Variants in GREB1 observed in about 807,000 individuals in gnomAD.
The protein encoded by GREB1 is protein GREB1.
A neutral mutation model predicts 200.7 loss-of-function variants in GREB1; 106 were observed. That is an observed-to-expected ratio of 0.53 (90% confidence interval 0.45 to 0.62). The LOEUF (loss-of-function observed/expected upper bound fraction) is 0.62, where lower values mean the gene tolerates loss of function less well. GREB1 is among the 20% of genes least tolerant of loss of function. The probability of loss-of-function intolerance (pLI) is 0.00; values close to 1 mark genes in which losing one functional copy is unlikely to be tolerated. For missense variants in GREB1, 2,243 were observed against 2,556.8 expected (o/e 0.88, Z 2.65); for synonymous variants, 1,132 against 1,092.4 (o/e 1.04, Z -0.72).
chr2:11,501,456 C>T (rs1572555829), intron 1 of GREB1, among the ~76,000 whole-genome samples: 4 of 152,204 alleles, frequency 2.6e-5, no homozygotes, highest in East Asian at 1.9e-4. Context: ...TGCAGTGGTG[C>T]GATCTTGGCT....
chr2:11,567,488 C>T (rs375894564), intron 4 of GREB1, among the ~76,000 whole-genome samples: 1 of 152,108 alleles, frequency 6.6e-6, no homozygotes, highest in South Asian at 2.1e-4. Context: ...TGCTCAAGGC[C>T]GCGTGAGTAA....
At chr2:11,530,100 T>C (rs1674016248), upstream of GREB1, among the ~76,000 whole-genome samples, 1 of 152,098 alleles carries the variant, frequency 6.6e-6, no homozygotes, top group African/African-American at 2.4e-5. Flanking sequence ...CTCTGTTGTC[T>C]AGGCTGGATG....
At position 11,597,660 on chromosome 2, in the gene GREB1, C is replaced by T. The variant is rs1681391746; in HGVS notation, c.1955-121C>T. The T allele has an allele frequency of 2.4e-6, 2 of 823,280 alleles. No individual in the cohort carries two copies. Among genetic ancestry groups the T allele is most frequent in the Admixed American group, 1.9e-5 (1 of 53,430 alleles). 51.0% of individuals were successfully genotyped at this position (823,280 alleles called of 1,614,324 possible). A position where few individuals can be genotyped will look rare whatever the true frequency, so the allele number is the denominator to read the frequency against. ...GATAAACGTGAGTTATTCCCCTTTC[C>T]CTCATCGCTTTGTGAATGGGGCCGT... On this transcript the variant is annotated intron_variant, in intron 13 of 32. Transcript: ENST00000381486. This position sits in a 1 kb window ranked among gnomAD's most constrained non-coding sequence, Gnocchi z 4.1.
At chr2:11,540,154 GGA>G (rs1674621222) in intron 1 of GREB1, 1 of 152,346 alleles carries the variant, frequency 6.6e-6, no homozygotes, top group African/African-American at 2.4e-5. Flanking sequence ...TTTGGGGGTT[GGA>G]GAGGTTTGTG....
At chr2:11,483,720 G>A (rs977907480) in intron 1 of GREB1, among the ~76,000 whole-genome samples, 2 of 148,150 alleles carry the variant, frequency 1.3e-5, no homozygotes, top group South Asian at 2.1e-4. Flanking sequence ...GTGTGTGTGT[G>A]TGTGTGTGTG....
chr2:11,497,971 C>CTTTTTT (rs70955803), intron 1 of GREB1, among the ~76,000 whole-genome samples: 5 of 40,626 alleles, frequency 1.2e-4, no homozygotes, highest in Admixed American at 4.1e-4. Context: ...CAGAGCAAAA[C>CTTTTTT]TTTTTTTTTT....
At position 11,580,582 on chromosome 2, in the gene GREB1, T is replaced by C; in HGVS notation, c.773-122T>C. On this transcript the variant is annotated intron_variant, in intron 6 of 32. Transcript: ENST00000381486. The surrounding 1 kb of genome is among the most constrained non-coding windows in gnomAD (Gnocchi z 4.5). Reference sequence around the variant, plus strand: ...ATCACTGTTGGGCATTCTGACCTCCTGATGAGACTTGCTGGGGAAAAGCTA... The same window carrying C: ...ATCACTGTTGGGCATTCTGACCTCCCGATGAGACTTGCTGGGGAAAAGCTA... 1 of 1,148,368 alleles carries C rather than the reference T, an allele frequency of 8.7e-7. No individual in the cohort carries two copies. Among genetic ancestry groups the C allele is most frequent in the Admixed American group, 2.2e-5 (1 of 46,222 alleles). The allele number at this position is 1,148,368 out of a possible 1,614,324, so 71.1% of individuals were successfully genotyped here.
chr2:11,523,276 G>T (rs554440761), intron 1 of GREB1, among the ~76,000 whole-genome samples: 1 of 151,906 alleles, frequency 6.6e-6, no homozygotes, highest in Non-Finnish European at 1.5e-5. Flanking sequence ...ATAACTATTG[G>T]GTACTAGACT....
Position 11,638,707 on chromosome 2 carries a change from T to G in GREB1, c.5584T>G (p.Leu1862Val), listed in dbSNP as rs1206335443. The change falls in exon 32 of 33, where the codon TTA (leucine) becomes GTA (valine). Residue 1862 changes from leucine to valine, a missense_variant. Leu to Val is a conservative substitution (Grantham distance 32, BLOSUM62 1). Transcript: ENST00000381486. ...CTATGTGAGCTCCAGGCCCCACTCT[T>G]TAAACATCAGCTGCTCGGACTTGCT... ...VCYVSSRPHS[L>V]NISCSDLLFS... 1.2e-6 allele frequency: 2 copies of G among 1,614,156 alleles called. No individual in the cohort carries two copies. The highest frequency in any genetic ancestry group is 8.5e-7 in the Non-Finnish European group (1 of 1,179,984).
At chr2:11,499,955 G>A (rs1049742137) in intron 1 of GREB1, among the ~76,000 whole-genome samples, 6 of 151,366 alleles carry the variant, frequency 4.0e-5, no homozygotes, top group African/African-American at 9.7e-5. Context: ...AATTGAAATG[G>A]TATTGTTGCC....
chr2:11,582,717 G>A lies in GREB1; in HGVS notation c.901+1885G>A, dbSNP rs148154755. Among the ~76,000 whole-genome samples the A allele has an allele frequency of 3.6e-3, 556 of 152,366 alleles. 3 individuals are homozygous for A. Among genetic ancestry groups the A allele is most frequent in the South Asian group, 7.5e-3 (36 of 4,832 alleles). On this transcript the variant is annotated intron_variant, in intron 7 of 32. Coordinates refer to ENST00000381486, the MANE Select transcript of GREB1 (RefSeq NM_014668.4). ...GGGGAGCTCCGCCAGAGGGCATGAC[G>A]CTGGCTGGGTTGAGTTGCGTTGAGC... is the stretch of plus-strand genomic sequence containing the variant.
At position 11,597,991 on chromosome 2, in the gene GREB1, T is replaced by C. The variant is rs761911603; in HGVS notation, c.2152+13T>C. 1.2e-6 allele frequency: 2 copies of C among 1,603,658 alleles called. No individual in the cohort carries two copies. Among genetic ancestry groups the C allele is most frequent in the Admixed American group, 1.7e-5 (1 of 60,022 alleles). Reference sequence around the variant, plus strand: ...GTGTGGCATTCAGGTATGGGGCATTTTGGGGAGAAGTCACGTGTGGAGAAG... The same window carrying C: ...GTGTGGCATTCAGGTATGGGGCATTCTGGGGAGAAGTCACGTGTGGAGAAG... On this transcript the variant is annotated intron_variant, in intron 14 of 32. Coordinates refer to ENST00000381486, the MANE Select transcript of GREB1 (RefSeq NM_014668.4). This position sits in a 1 kb window ranked among gnomAD's most constrained non-coding sequence, Gnocchi z 4.1.
At chr2:11,553,107 G>A (rs938635180) in intron 1 of GREB1, among the ~76,000 whole-genome samples, 14 of 151,834 alleles carry the variant, frequency 9.2e-5, no homozygotes, top group Admixed American at 5.9e-4. Flanking sequence ...TGTCAAATGC[G>A]TCATTTGGGA....
chr2:11,600,754 G>T, intron 15 of GREB1, 46 bp from the exon 16 acceptor site: 1 of 1,518,300 alleles, frequency 6.6e-7, no homozygotes, highest in Non-Finnish European at 9.1e-7. Context: ...TGCAAAATTA[G>T]AAAACAATAT....
intron 25 of GREB1, among the ~76,000 whole-genome samples, 200 bp downstream of exon 25, chr2:11,627,304 G>C (rs539524285): frequency 1.3e-5 from 2 of 152,236 alleles, no homozygotes; most frequent in Non-Finnish European, 2.9e-5. Flanking sequence ...TCCTGGGGTT[G>C]TGTGTTTATC....
At chr2:11,621,369 G>A (rs1158339205) in intron 23 of GREB1, among the ~76,000 whole-genome samples, 1 of 152,214 alleles carries the variant, frequency 6.6e-6, no homozygotes, top group Non-Finnish European at 1.5e-5. Context: ...TGGCAGGGCT[G>A]GAAGGAATTA....
intron 1 of GREB1, among the ~76,000 whole-genome samples, chr2:11,534,742 C>T (rs1165465118): frequency 6.6e-6 from 1 of 152,204 alleles, no homozygotes; most frequent in African/African-American, 2.4e-5. Flanking sequence ...TTCTTCTTCA[C>T]ATATACCTGG....
intron 1 of GREB1, among the ~76,000 whole-genome samples, chr2:11,516,931 C>T (rs1048365865): frequency 3.3e-5 from 5 of 152,132 alleles, no homozygotes; most frequent in East Asian, 1.9e-4. Flanking sequence ...GGCTGTGAGG[C>T]GGGGAGCATT....
At position 11,620,815 on chromosome 2, in the gene GREB1, G is replaced by GATGTCAGGAGCC. The variant is rs1375967746; in HGVS notation, c.4045-86_4045-75dup. On this transcript the variant is annotated intron_variant, in intron 22 of 32. Coordinates refer to ENST00000381486, the MANE Select transcript of GREB1 (RefSeq NM_014668.4). Reference sequence around the variant, plus strand: ...AAAGACAGGATCTTCAAGTGAGGCAGATGTCAGGAGCCATGCCAGGTGTTC... The same window carrying GATGTCAGGAGCC: ...AAAGACAGGATCTTCAAGTGAGGCAGATGTCAGGAGCCATGTCAGGAGCCATGCCAGGTGTTC... The GATGTCAGGAGCC allele has an allele frequency of 3.8e-5, 28 of 731,546 alleles. No individual in the cohort carries two copies. The African/African-American group carries it at 4.7e-4, about 12-fold the overall frequency. The allele number at this position is 731,546 out of a possible 1,614,324, so 45.3% of individuals were successfully genotyped here.
Sources: gnomAD v4.1 joint callset for allele counts (sites outside exome capture counted in the v4.1 genomes callset) on GRCh38, gnomAD v4.1.1 for gene constraint, Gnocchi (gnomAD v3.1) non-coding constraint, MANE v1.5 for transcripts, NCBI Gene and HGNC (gene_info 2026-07-23, HGNC 2026-07-21) for gene names.